Variants in FNIP2 observed in about 807,000 individuals in gnomAD.
FNIP2 encodes the protein folliculin-interacting protein 2.
Under a neutral mutation model 108.7 loss-of-function variants are expected in FNIP2, and 32 were observed. That is an observed-to-expected ratio of 0.29 (90% CI 0.22 to 0.40). The LOEUF (loss-of-function observed/expected upper bound fraction) is 0.40. Among genes scored for constraint, FNIP2 ranks in the 10% least tolerant of loss-of-function variants. FNIP2 has a pLI of 1.00. For synonymous variants in FNIP2, 480 were observed against 496.7 expected (o/e 0.97, Z 0.45); for missense variants, 1,202 against 1,381.6 (o/e 0.87, Z 2.06).
chr4:158,828,765 T>G (rs944658271), intron 2 of FNIP2, among the ~76,000 whole-genome samples: 7 of 152,222 alleles, frequency 4.6e-5, no homozygotes, highest in Non-Finnish European at 8.8e-5. Context: ...TACATAATAC[T>G]AAAAAGCTAA....
In FNIP2 at chr4:158,853,643, T is replaced by C. The variant is rs1027030312; in HGVS notation, c.857+2193T>C. Among the ~76,000 whole-genome samples, 5 of 152,344 alleles carry C rather than the reference T, an allele frequency of 3.3e-5. No homozygotes were observed. In the East Asian group the frequency reaches 9.6e-4, roughly 29 times the overall value. ...CATGCGGTGTTTGGTTTTCTGTCCT[T>C]GCGATAGTTTGCTCAGAATGATGGT... On this transcript the variant is annotated intron_variant, in intron 8 of 16. Transcript: ENST00000264433.
chr4:158,895,433 G>T (rs184763043), intron 15 of FNIP2, among the ~76,000 whole-genome samples: 1 of 152,194 alleles, frequency 6.6e-6, no homozygotes, highest in East Asian at 1.9e-4. Flanking sequence ...ATATGGGAAA[G>T]GATTATTATA....
chr4:158,823,186 T>C (rs1777978157), intron 1 of FNIP2, among the ~76,000 whole-genome samples: 1 of 152,222 alleles, frequency 6.6e-6, no homozygotes, highest in Non-Finnish European at 1.5e-5. Context: ...AAATCTGATT[T>C]TTTTTACTTT....
At chr4:158,776,375 G>A (rs1034373381) in intron 1 of FNIP2, among the ~76,000 whole-genome samples, 8 of 152,246 alleles carry the variant, frequency 5.3e-5, no homozygotes, top group African/African-American at 1.7e-4. Flanking sequence ...GTGTTAGGAA[G>A]CAGCAGCAAA....
At chr4:158,850,312 A>G (rs573561641) in intron 7 of FNIP2, among the ~76,000 whole-genome samples, 2 of 152,218 alleles carry the variant, frequency 1.3e-5, no homozygotes, top group African/African-American at 2.4e-5. Context: ...TGACATTTCA[A>G]TGTCTAATTC....
intron 1 of FNIP2, among the ~76,000 whole-genome samples, chr4:158,817,354 G>A (rs139936500): frequency 1.3e-5 from 2 of 152,292 alleles, no homozygotes; most frequent in African/African-American, 4.8e-5. Flanking sequence ...ATTATGTTTA[G>A]CAGGTTTAAG....
At chr4:158,893,694 AT>A in intron 15 of FNIP2, 1 of 1,588,432 alleles carries the variant, frequency 6.3e-7, no homozygotes, top group Admixed American at 1.8e-5. Flanking sequence ...AGTTATGCTG[AT>A]TTAGAGGTTA....
chr4:158,859,838 C>T (rs28501393), intron 10 of FNIP2, among the ~76,000 whole-genome samples, 172 bp downstream of exon 10: 3,623 of 152,202 alleles, frequency 0.024, 131 homozygotes, highest in African/African-American at 0.077. Flanking sequence ...AATAATTTAC[C>T]GCTGAGTAAT....
At chr4:158,829,506 C>T (rs1461869631) in intron 3 of FNIP2, among the ~76,000 whole-genome samples, 1 of 152,206 alleles carries the variant, frequency 6.6e-6, no homozygotes, top group African/African-American at 2.4e-5. Context: ...TTCCTTTGCT[C>T]TCTGATCCAG....
At chr4:158,875,541 T>TATATATATATATATGC (rs1553964269) in intron 14 of FNIP2, among the ~76,000 whole-genome samples, 7 of 141,478 alleles carry the variant, frequency 4.9e-5, no homozygotes, top group African/African-American at 1.4e-4. Context: ...TATATATATA[T>TATATATATATATATGC]GCTCATGAAT....
chr4:158,902,568 C>T (rs1007556478), intron 16 of FNIP2, among the ~76,000 whole-genome samples: 2 of 152,218 alleles, frequency 1.3e-5, no homozygotes, highest in African/African-American at 2.4e-5. Context: ...TTTAAGTCTG[C>T]TGAAGCTGTG....
intron 1 of FNIP2, among the ~76,000 whole-genome samples, chr4:158,812,095 G>C (rs1236551096): frequency 1.3e-5 from 2 of 152,194 alleles, no homozygotes; most frequent in Non-Finnish European, 2.9e-5. Flanking sequence ...TGCACACTGT[G>C]ATATGAGAGG....
chr4:158,794,230 G>A (rs1466196877), intron 1 of FNIP2, among the ~76,000 whole-genome samples: 9 of 152,040 alleles, frequency 5.9e-5, no homozygotes, highest in African/African-American at 2.2e-4. Flanking sequence ...ATGGCTCACT[G>A]CAGCCTTGAC....
rs1294757917 is a variant in FNIP2, at chr4:158,906,844, C to T, written c.*2300C>T. The T allele has an allele frequency of 2.0e-5, 3 of 152,140 alleles. No individual in the cohort carries two copies. The highest frequency in any genetic ancestry group is 4.4e-5 in the Non-Finnish European group (3 of 68,022). The allele number at this position is 152,140 out of a possible 1,614,324, so 9.4% of individuals were successfully genotyped here. The stretch of plus-strand genomic sequence containing the variant: ...CTCACAGAATTGTGTTGAGATCCAC[C>T]GCTCACACGCCGTACACCACCCAGT... On this transcript the variant is annotated 3_prime_UTR_variant, in exon 17 of 17. Transcript: ENST00000264433.
At chr4:158,835,313 C>A in intron 6 of FNIP2, 92 bp from the exon 7 acceptor site, 1 of 1,006,448 alleles carries the variant, frequency 9.9e-7, no homozygotes, top group Non-Finnish European at 1.5e-6. Context: ...GTAGCAGTAG[C>A]CTACTTTGAA....
At chr4:158,882,378 G>C (rs553931123) in intron 14 of FNIP2, among the ~76,000 whole-genome samples, 1 of 151,034 alleles carries the variant, frequency 6.6e-6, no homozygotes, top group Non-Finnish European at 1.5e-5. Context: ...CGGGAGGGAG[G>C]TGGGGGGCGC....
chr4:158,829,324 G>C, intron 3 of FNIP2, 99 bp downstream of exon 3: 1 of 1,050,604 alleles, frequency 9.5e-7, no homozygotes, highest in Non-Finnish European at 1.3e-6. Flanking sequence ...TCTACTCCAG[G>C]AATATGAGGA....
intron 7 of FNIP2, chr4:158,835,750 T>C: frequency 3.7e-6 from 1 of 269,692 alleles, no homozygotes; most frequent in Non-Finnish European, 7.4e-6. Context: ...CTTGAGCCCA[T>C]TGTACTAGTA....
intron 1 of FNIP2, among the ~76,000 whole-genome samples, chr4:158,808,960 G>A (rs977033809): frequency 6.6e-6 from 1 of 152,164 alleles, no homozygotes; most frequent in Non-Finnish European, 1.5e-5. Context: ...TTGTCTCATT[G>A]CGGTTCATGT....
Sources: allele counts gnomAD v4.1 joint callset (sites outside exome capture counted in the v4.1 genomes callset), GRCh38; gene constraint gnomAD v4.1.1; transcripts MANE v1.5; gene names NCBI Gene and HGNC (gene_info 2026-07-23, HGNC 2026-07-21).